Variants in DST observed in about 807,000 individuals in gnomAD.
The protein encoded by DST is bullous pemphigoid antigen.
A neutral mutation model predicts 875.2 loss-of-function variants in DST; 253 were observed. That is an observed-to-expected ratio of 0.29 (90% CI 0.26 to 0.32). The LOEUF (loss-of-function observed/expected upper bound fraction) is 0.32, where lower values mean the gene tolerates loss of function less well. Among genes scored for constraint, DST ranks in the 10% least tolerant of loss-of-function variants. The pLI, the probability that DST is intolerant of heterozygous loss-of-function variation, is 1.00. For synonymous variants in DST, 3,124 were observed against 3,197.1 expected (o/e 0.98, Z 0.77); for missense variants, 8,287 against 9,111.6 (o/e 0.91, Z 3.68).
chr6:56,544,208 G>A (rs2097185405), intron 61 of DST, among the ~76,000 whole-genome samples: 1 of 152,184 alleles, frequency 6.6e-6, no homozygotes, highest in Non-Finnish European at 1.5e-5. Flanking sequence ...TAGAGGCCAA[G>A]AGTCTTACTC....
intron 4 of DST, among the ~76,000 whole-genome samples, chr6:56,847,803 T>C (rs2099808768): frequency 6.6e-6 from 1 of 152,238 alleles, no homozygotes; most frequent in Admixed American, 6.5e-5. Context: ...TAACAACTAA[T>C]AATTACCGCG....
At chr6:56,896,366 T>C (rs1275003668) in intron 3 of DST, among the ~76,000 whole-genome samples, 1 of 152,170 alleles carries the variant, frequency 6.6e-6, no homozygotes, top group Non-Finnish European at 1.5e-5. Context: ...GATGGGTTTA[T>C]CAGGGGTTTC....
Position 56,629,459 on chromosome 6 carries a change from T to C in DST, c.4282-16A>G, listed in dbSNP as rs915349602. 2.5e-6 allele frequency: 4 copies of C among 1,594,580 alleles called. No individual in the cohort carries two copies. The African/African-American group carries it at 5.4e-5, about 21-fold the overall frequency. Reference sequence around the variant, plus strand: ...ATCTCCATTGCTAAAATACATTAATTGGTAAAAGTTATAAAAATGTTAACC... The same window carrying C: ...ATCTCCATTGCTAAAATACATTAATCGGTAAAAGTTATAAAAATGTTAACC... On this transcript the variant is annotated splice_polypyrimidine_tract_variant and intron_variant, in intron 31 of 103. Coordinates refer to ENST00000680361, the MANE Select transcript of DST (RefSeq NM_001374736.1).
intron 82 of DST, 122 bp from the exon 83 acceptor site, chr6:56,494,302 C>T: frequency 1.2e-6 from 1 of 820,368 alleles, no homozygotes; most frequent in African/African-American, 1.7e-5. Context: ...TCTCTCAGGG[C>T]AACCTTGACG....
rs1159318151 is a variant in DST at position 56,606,073 on chromosome 6, T to C, written c.8555A>G (p.Glu2852Gly). 1 of 1,613,028 alleles carries C rather than the reference T, an allele frequency of 6.2e-7. No homozygotes were observed. The highest frequency in any genetic ancestry group is 1.1e-5 in the South Asian group (1 of 91,038). The part of the protein sequence containing the change: ...SILNENSDEN[E>G]NINTMILLDK... ...CAGAAGAATCATTGTATTAATATTT[T>C]CATTTTCATCACTGTTTTCATTTAA... Residue 2852 changes from glutamate to glycine, a missense_variant, in exon 40 of 104, where the codon GAA (glutamate) becomes GGA (glycine). Physicochemically the swap from Glu to Gly is moderately conservative, Grantham distance 98 (BLOSUM62 -2). This residue lies in a region of DST where 3,138 missense variants were observed against 3,116.6 expected (regional missense o/e 1.01). Coordinates refer to ENST00000680361, the MANE Select transcript of DST (RefSeq NM_001374736.1).
chr6:56,545,274 G>T (rs113056343), intron 61 of DST, among the ~76,000 whole-genome samples: 1,680 of 152,034 alleles, frequency 0.011, 28 homozygotes, highest in African/African-American at 0.037. Flanking sequence ...AAAGTGCTGG[G>T]ATTACAGGCA....
intron 9 of DST, among the ~76,000 whole-genome samples, chr6:56,685,252 GAACT>G (rs2099176450): frequency 1.3e-5 from 2 of 152,170 alleles, no homozygotes; most frequent in South Asian, 4.1e-4. Flanking sequence ...ATCTGAAAAA[GAACT>G]AATACCCAGA....
intron 29 of DST, among the ~76,000 whole-genome samples, chr6:56,631,681 G>A (rs760237438): frequency 1.3e-4 from 20 of 152,074 alleles, no homozygotes; most frequent in Non-Finnish European, 2.2e-4. Flanking sequence ...GAAGGTGAGC[G>A]TGTACATATT....
chr6:56,906,279 A>G (rs1046029555), intron 2 of DST, among the ~76,000 whole-genome samples: 5 of 152,194 alleles, frequency 3.3e-5, no homozygotes, highest in African/African-American at 4.8e-5. Flanking sequence ...TCAGGGTACA[A>G]AAGTCCTCAG....
At position 56,646,169 on chromosome 6, in the gene DST, T is replaced by C. The variant is rs767946654; in HGVS notation, c.1568A>G (p.Gln523Arg). 4.4e-5 allele frequency: 66 copies of C among 1,496,204 alleles called. No individual in the cohort carries two copies. Among genetic ancestry groups the C allele is most frequent in the Non-Finnish European group, 6.0e-5 (66 of 1,106,940 alleles). The allele number at this position is 1,496,204 out of a possible 1,614,324, so 92.7% of individuals were successfully genotyped here. ...TTCTGTTTCTTTAAACTGTAAATAC[T>C]GATTATAAAGTGCCTAAAATAAAAA... Reference protein sequence around the residue: ...NPVELKALYNQYLQFKETEIP... With the variant: ...NPVELKALYNRYLQFKETEIP... The change falls in exon 14 of 104, where the codon CAG (glutamine) becomes CGG (arginine). Residue 523 changes from glutamine (Q) to arginine (R), a missense_variant. This residue lies in a region of DST where 1,160 missense variants were observed against 1,424.3 expected (regional missense o/e 0.81). Transcript: ENST00000680361.
intron 55 of DST, 51 bp downstream of exon 55, chr6:56,568,418 T>G: frequency 1.3e-6 from 2 of 1,544,578 alleles, no homozygotes; most frequent in East Asian, 2.3e-5. Context: ...AAAATTGACA[T>G]GAGTAAACCT....
chr6:56,570,559 T>C (rs973089), intron 53 of DST, among the ~76,000 whole-genome samples: 30,960 of 152,026 alleles, frequency 0.2, 6,209 homozygotes, highest in African/African-American at 0.52. Context: ...CAGGCAGCAA[T>C]GTGAGAGATG....
chr6:56,624,337 T>A, intron 36 of DST, 193 bp downstream of exon 36: 1 of 673,762 alleles, frequency 1.5e-6, no homozygotes, highest in Admixed American at 2.2e-5. Context: ...TTTGAATGAA[T>A]CTTAAAGACA....
intron 33 of DST, 94 bp downstream of exon 33, chr6:56,627,905 G>T: frequency 2.5e-6 from 3 of 1,201,394 alleles, no homozygotes; most frequent in Non-Finnish European, 3.7e-6. Flanking sequence ...CTAAAGAGTT[G>T]GTGACTTTTT....
At chr6:56,905,892 A>G (rs930443291) in intron 2 of DST, among the ~76,000 whole-genome samples, 3 of 152,024 alleles carry the variant, frequency 2.0e-5, no homozygotes, top group Non-Finnish European at 4.4e-5. Context: ...CAGGTGATCC[A>G]CCCATCTCGG....
chr6:56,461,387 C>G (rs2094322382), intron 102 of DST: 2 of 152,154 alleles, frequency 1.3e-5, no homozygotes, highest in African/African-American at 4.8e-5. Flanking sequence ...CCTGAGGAGG[C>G]ACATGATTTG....
chr6:56,593,937 T>C lies in DST; in HGVS notation c.12452A>G (p.Gln4151Arg). 6.2e-7 allele frequency: 1 copy of C among 1,613,930 alleles called. No homozygotes were observed. Among genetic ancestry groups the C allele is most frequent in the Admixed American group, 1.7e-5 (1 of 60,010 alleles). Residue 4151 changes from glutamine (Q) to arginine (R), a missense_variant, in exon 48 of 104, where the codon CAG (glutamine) becomes CGG (arginine). Around this residue, in one of 10 missense-constraint regions of DST, gnomAD observed 1,513 missense variants for 1,677.8 expected, o/e 0.90. Transcript: ENST00000680361. ...ADYTEFEHWLQQSEQELENLE... is the reference protein window; with the variant it reads ...ADYTEFEHWLRQSEQELENLE... The stretch of plus-strand genomic sequence containing the variant: ...GTTTTCAAGTTCTTGTTCTGACTGC[T>C]GTAGCCAGTGCTCAAACTCGGTATA...
intron 36 of DST, chr6:56,618,213 G>T: frequency 1.2e-6 from 2 of 1,614,148 alleles, no homozygotes; most frequent in Non-Finnish European, 1.7e-6. Context: ...GCCCCTGGTG[G>T]CTGGAATTGG....
rs773977070 is a variant in DST, at chr6:56,662,378, T to C, written c.1214+8263A>G. Among the ~76,000 whole-genome samples, 14 of 152,148 alleles carry C rather than the reference T, an allele frequency of 9.2e-5. 1 individual carries two copies. Among genetic ancestry groups the C allele is most frequent in the Non-Finnish European group, 8.8e-5 (6 of 68,028 alleles). ...ACAGTTTTAAAAGCAAAAAACAACATAATATCCATCAATAAGGCACTCTAA... is the reference window on the plus strand; with the variant it reads ...ACAGTTTTAAAAGCAAAAAACAACACAATATCCATCAATAAGGCACTCTAA... On this transcript the variant is annotated intron_variant, in intron 10 of 103. Coordinates refer to ENST00000680361, the MANE Select transcript of DST (RefSeq NM_001374736.1).
Sources: gnomAD v4.1 joint callset for allele counts (sites outside exome capture counted in the v4.1 genomes callset) on GRCh38, gnomAD v4.1.1 for gene constraint, gnomAD v4.1.1 regional missense constraint, MANE v1.5 for transcripts, NCBI Gene and HGNC (gene_info 2026-07-23, HGNC 2026-07-21) for gene names.